Variants in ABCA13 observed in about 807,000 individuals in gnomAD.
The protein encoded by ABCA13 is ATP binding cassette subfamily A member 13, also known as ATP-binding cassette sub-family A member 13.
Under a neutral mutation model 478.7 loss-of-function variants are expected in ABCA13, and 476 were observed. The ratio of observed to expected loss-of-function variants is 0.99; its 90% confidence interval spans 0.92 to 1.07. The LOEUF (loss-of-function observed/expected upper bound fraction) is 1.07. ABCA13 is among the 50% of genes least tolerant of loss of function. The pLI, the probability that ABCA13 is intolerant of heterozygous loss-of-function variation, is 0.00. For missense variants in ABCA13, 6,060 were observed against 5,910.6 expected (o/e 1.03, Z -0.83); for synonymous variants, 2,252 against 2,158.9 (o/e 1.04, Z -1.20).
chr7:48,556,876 T>C (rs57401097), intron 55 of ABCA13, among the ~76,000 whole-genome samples: 21,059 of 151,968 alleles, frequency 0.14, 1,831 homozygotes, highest in African/African-American at 0.23. Flanking sequence ...TCTTCTCATC[T>C]TTCTTTTATT....
chr7:48,516,973 G>A, intron 52 of ABCA13, 92 bp downstream of exon 52: 1 of 1,359,382 alleles, frequency 7.4e-7, no homozygotes, highest in Non-Finnish European at 1.0e-6. Flanking sequence ...TTTCTGACTG[G>A]AATTCAATGG....
intron 56 of ABCA13, among the ~76,000 whole-genome samples, chr7:48,583,131 C>T (rs889774217): frequency 3.9e-5 from 6 of 152,158 alleles, no homozygotes; most frequent in African/African-American, 1.4e-4. Flanking sequence ...GGCCCCTCAT[C>T]ATCTTAGTTT....
intron 20 of ABCA13, among the ~76,000 whole-genome samples, chr7:48,291,610 C>T (rs1289793672): frequency 6.6e-6 from 1 of 152,172 alleles, no homozygotes; most frequent in Admixed American, 6.5e-5. Flanking sequence ...AATTCAATCC[C>T]TGCTCCTCAG....
At chr7:48,309,574 G>A (rs1300867356) in intron 23 of ABCA13, among the ~76,000 whole-genome samples, 2 of 152,106 alleles carry the variant, frequency 1.3e-5, no homozygotes, top group Non-Finnish European at 2.9e-5. Context: ...AAAGCCAAGG[G>A]TAAGACTTAA....
chr7:48,244,778 A>G (rs1791417361), intron 11 of ABCA13, 75 bp downstream of exon 11: 4 of 1,498,604 alleles, frequency 2.7e-6, no homozygotes, highest in African/African-American at 1.4e-5. Flanking sequence ...ATGGACTTGA[A>G]ACTGCCTGAC....
intron 2 of ABCA13, among the ~76,000 whole-genome samples, chr7:48,194,721 T>C (rs1452069248): frequency 1.3e-5 from 2 of 152,206 alleles, no homozygotes; most frequent in East Asian, 3.9e-4. Flanking sequence ...GTTTTACACA[T>C]ATTAGGACCA....
At chr7:48,228,687 T>A (rs1273111620) in intron 6 of ABCA13, among the ~76,000 whole-genome samples, 1 of 152,224 alleles carries the variant, frequency 6.6e-6, no homozygotes, top group African/African-American at 2.4e-5. Context: ...TAAATTTGAA[T>A]GTAGCTTTCC....
intron 42 of ABCA13, among the ~76,000 whole-genome samples, chr7:48,446,174 T>C (rs1824271895): frequency 6.6e-6 from 1 of 152,158 alleles, no homozygotes; most frequent in Admixed American, 6.6e-5. Context: ...TAGGCCTAAC[T>C]TTCACAAATT....
At chr7:48,519,205 G>T (rs1263796643) in intron 52 of ABCA13, among the ~76,000 whole-genome samples, 1 of 152,116 alleles carries the variant, frequency 6.6e-6, no homozygotes, top group Non-Finnish European at 1.5e-5. Context: ...GTCTATCATT[G>T]ATGGGCATTT....
At chr7:48,429,921 A>G (rs983989235) in intron 42 of ABCA13, among the ~76,000 whole-genome samples, 1 of 152,146 alleles carries the variant, frequency 6.6e-6, no homozygotes, top group Non-Finnish European at 1.5e-5. Context: ...GTCATGTCAT[A>G]TATTGCTGGA....
intron 35 of ABCA13, among the ~76,000 whole-genome samples, chr7:48,381,776 G>A (rs1400613379): frequency 6.6e-6 from 1 of 152,214 alleles, no homozygotes; most frequent in East Asian, 1.9e-4. Context: ...AGTTCCCCTT[G>A]AGGAGAAAAG....
At position 48,615,248 on chromosome 7, in the gene ABCA13, G is replaced by C. The variant is rs1164979076; in HGVS notation, c.14745-37G>C. On this transcript the variant is annotated intron_variant, in intron 58 of 61. Coordinates refer to ENST00000435803, the MANE Select transcript of ABCA13 (RefSeq NM_152701.5). ...TTTGACTCAACCCTCCCCTCTTCAGGAAATGGCTCATTTTTGTCTCTTTTC... is the reference window on the plus strand; with the variant it reads ...TTTGACTCAACCCTCCCCTCTTCAGCAAATGGCTCATTTTTGTCTCTTTTC... The C allele has an allele frequency of 6.2e-6, 8 of 1,290,770 alleles. 1 individual carries two copies. Among genetic ancestry groups the C allele is most frequent in the Non-Finnish European group, 8.3e-6 (8 of 966,224 alleles). 80.0% of individuals were successfully genotyped at this position (1,290,770 alleles called of 1,614,324 possible). A position where few individuals can be genotyped will look rare whatever the true frequency, so the allele number is the denominator to read the frequency against.
chr7:48,496,806 T>A (rs1449841058), intron 48 of ABCA13, among the ~76,000 whole-genome samples: 1 of 152,144 alleles, frequency 6.6e-6, no homozygotes, highest in Non-Finnish European at 1.5e-5. Context: ...CCATTACTAT[T>A]CTAGTTGGTA....
rs550080035 is a variant in ABCA13 at position 48,448,248 on chromosome 7, C to G, written c.12566-6789C>G. Among the ~76,000 whole-genome samples the G allele has an allele frequency of 3.9e-5, 6 of 152,296 alleles. No homozygotes were observed. The South Asian group carries it at 1.2e-3, about 32-fold the overall frequency. ...ATCAATGACAACCGCAAAGGAAGCT[C>G]AGGTTTGGAAACTCAAGTGTGAAGC... On this transcript the variant is annotated intron_variant, in intron 42 of 61. Transcript: ENST00000435803.
chr7:48,340,734 C>T (rs746890147), intron 29 of ABCA13, among the ~76,000 whole-genome samples: 19 of 152,194 alleles, frequency 1.2e-4, no homozygotes, highest in Admixed American at 4.6e-4. Flanking sequence ...GTTTGTTCAA[C>T]ACATTGCTGC....
chr7:48,284,554 GT>G (rs1231803242), intron 19 of ABCA13, among the ~76,000 whole-genome samples: 3 of 152,136 alleles, frequency 2.0e-5, no homozygotes, highest in Admixed American at 2.0e-4. Context: ...ATTCAGCCAC[GT>G]TTGAAGACAC....
chr7:48,374,450 G>A, intron 34 of ABCA13, 34 bp downstream of exon 34: 1 of 1,571,568 alleles, frequency 6.4e-7, no homozygotes, highest in South Asian at 1.2e-5. Flanking sequence ...GTGACTCTCA[G>A]TGAATCACGT....
chr7:48,187,234 C>T (rs1418024365), intron 1 of ABCA13, among the ~76,000 whole-genome samples: 1 of 148,860 alleles, frequency 6.7e-6, no homozygotes, highest in East Asian at 1.9e-4. Context: ...ATATTTAAGG[C>T]CAGACTGATT....
intron 60 of ABCA13, among the ~76,000 whole-genome samples, chr7:48,643,799 C>T (rs1345821701): frequency 6.6e-6 from 1 of 152,186 alleles, no homozygotes; most frequent in Non-Finnish European, 1.5e-5. Flanking sequence ...CTTGAGATCA[C>T]AATCCTCTAT....
Sources: gnomAD v4.1 joint callset for allele counts (sites outside exome capture counted in the v4.1 genomes callset) on GRCh38, gnomAD v4.1.1 for gene constraint, MANE v1.5 for transcripts, NCBI Gene and HGNC (gene_info 2026-07-23, HGNC 2026-07-21) for gene names.